ASB6: variants seen among roughly 807,000 people sequenced by gnomAD.
ASB6 encodes ankyrin repeat and SOCS box containing 6.
ASB6 carries 24 observed loss-of-function variants against 28.6 expected under a neutral mutation model. The observed-to-expected ratio is 0.84, with a 90% confidence interval of 0.61 to 1.18. ASB6 has a LOEUF of 1.18. ASB6 is among the 50% of genes most tolerant of loss of function. The pLI, the probability that ASB6 is intolerant of heterozygous loss-of-function variation, is 0.00. For missense variants in ASB6, 519 were observed against 559.8 expected, an observed-to-expected ratio of 0.93 and a Z score of 0.74; for synonymous variants, 267 against 243.4, an observed-to-expected ratio of 1.10 and a Z score of -0.90.
At chr9:129,640,395 A>C in intron 2 of ASB6, 146 bp downstream of exon 2, 1 of 1,143,206 alleles carries the variant, frequency 8.7e-7, no homozygotes, top group Non-Finnish European at 1.2e-6. Context: ...ACCCAATGGG[A>C]GTTTCCTTAG....
Position 129,635,557 on chromosome 9 carries a change from A to T in ASB6, c.*2233T>A. 1 of 1,430,448 alleles carries T rather than the reference A, an allele frequency of 7.0e-7. No individual in the cohort carries two copies. Among genetic ancestry groups the T allele is most frequent in the Non-Finnish European group, 9.5e-7 (1 of 1,053,792 alleles). 88.6% of individuals were successfully genotyped at this position (1,430,448 alleles called of 1,614,324 possible). ...CCAGGCGCCACGCTGGCGGTTCGTG[A>T]GTGTCGAGGCACCACTAAATATAGC... On this transcript the variant is annotated 3_prime_UTR_variant, in exon 6 of 6. Transcript: ENST00000277458.
At position 129,639,215 on chromosome 9, in the gene ASB6, G is replaced by A. The variant is rs558817602; in HGVS notation, c.498C>T (p.Ala166=). ...GGAGGCACCCACCATGCTTGTCAGC[G>A]GCATTGACATCAGCTCCAAGGTCCA... The part of the protein sequence containing the change: ...RLLDLGADVN[A]ADKHGKTALL... The change falls in exon 4 of 6, where the codon GCC becomes GCT. Residue 166 remains alanine, a synonymous_variant. Coordinates refer to ENST00000277458, the MANE Select transcript of ASB6 (RefSeq NM_017873.4). 1.8e-5 allele frequency: 29 copies of A among 1,608,182 alleles called. No individual in the cohort carries two copies. Among genetic ancestry groups the A allele is most frequent in the South Asian group, 3.3e-5 (3 of 90,658 alleles).
rs1212567354 is a variant in ASB6, at chr9:129,639,475, G to T, written c.329C>A (p.Ala110Asp). 2.5e-6 allele frequency: 4 copies of T among 1,613,848 alleles called. No individual in the cohort carries two copies. Among genetic ancestry groups the T allele is most frequent in the Non-Finnish European group, 3.4e-6 (4 of 1,179,838 alleles). ...PVTYYTALHI[A>D]VLRNQPDMVE... is the part of the protein sequence containing the mutation. ...CATGTCCGGCTGGTTCCGCAGGACG[G>T]CGATGTGCAAGGCCGTGTAGTAGGT... The change falls in exon 3 of 6, where the codon GCC becomes GAC. Residue 110 changes from alanine to aspartate, a missense_variant. By Grantham distance (126) the Ala-to-Asp change is moderately radical. Transcript: ENST00000277458.
At position 129,638,328 on chromosome 9, in the gene ASB6, G is replaced by A; in HGVS notation, c.728C>T (p.Thr243Ile). 1.9e-6 allele frequency: 3 copies of A among 1,612,900 alleles called. No individual in the cohort carries two copies. Among genetic ancestry groups the A allele is most frequent in the Non-Finnish European group, 2.5e-6 (3 of 1,180,030 alleles). ...GGCCCCGTGTGCCAGCAGCAGCCGT[G>A]TGACTTGGAAGCAGAAGCGGTTGAT... The part of the protein sequence containing the change: ...QMINRFCFQV[T>I]RLLLAHGADP... The change falls in exon 6 of 6, where the codon ACA (threonine) becomes ATA (isoleucine). Residue 243 changes from threonine (T) to isoleucine (I), a missense_variant. By Grantham distance (89) the Thr-to-Ile change is moderately conservative (BLOSUM62 -1). Coordinates refer to ENST00000277458, the MANE Select transcript of ASB6 (RefSeq NM_017873.4).
At position 129,635,396 on chromosome 9, in the gene ASB6, C is replaced by T; in HGVS notation, c.*2394G>A. 6.2e-7 allele frequency: 1 copy of T among 1,613,572 alleles called. No homozygotes were observed. Among genetic ancestry groups the T allele is most frequent in the Non-Finnish European group, 8.5e-7 (1 of 1,179,896 alleles). On this transcript the variant is annotated 3_prime_UTR_variant, in exon 6 of 6. Coordinates refer to ENST00000277458, the MANE Select transcript of ASB6 (RefSeq NM_017873.4). ...CATCTGCAGTGCAGGCCTCAGCCTC[C>T]TGGCCGAGGAGAGGCAGGAGAACCT...
chr9:129,640,882 G>T, intron 1 of ASB6, 160 bp from the exon 2 acceptor site: 1 of 811,374 alleles, frequency 1.2e-6, no homozygotes, highest in South Asian at 1.7e-5. Context: ...TAGAGAGAGG[G>T]CCACGCTGCA....
Position 129,634,723 on chromosome 9 carries a change from G to A in ASB6, c.*3067C>T, listed in dbSNP as rs770486635. 1.8e-4 allele frequency: 40 copies of A among 216,754 alleles called. No individual in the cohort carries two copies. Among genetic ancestry groups the A allele is most frequent in the African/African-American group, 9.1e-4 (39 of 43,000 alleles). 13.4% of individuals were successfully genotyped at this position (216,754 alleles called of 1,614,324 possible). On this transcript the variant is annotated 3_prime_UTR_variant, in exon 6 of 6. Transcript: ENST00000277458. ...CTGTGCCCTGGGCTGCTGACGTGGC[G>A]GCAGGCCGCTAGCAGCAGTCGGCCA...
chr9:129,639,728 G>C (rs1354514144), intron 2 of ASB6, among the ~76,000 whole-genome samples: 1 of 152,224 alleles, frequency 6.6e-6, no homozygotes, highest in Non-Finnish European at 1.5e-5. Flanking sequence ...GGGGGCTTTA[G>C]TTTCCTCTTC....
chr9:129,641,623 G>A (rs1213901751), intron 1 of ASB6, among the ~76,000 whole-genome samples: 2 of 152,176 alleles, frequency 1.3e-5, no homozygotes, highest in Non-Finnish European at 2.9e-5. Context: ...ACAGGCAGGC[G>A]ACAGGGTGGG....
At position 129,637,772 on chromosome 9, in the gene ASB6, C is replaced by T; in HGVS notation, c.*18G>A. 7 of 1,502,768 alleles carry T rather than the reference C, an allele frequency of 4.7e-6. No homozygotes were observed. Among genetic ancestry groups the T allele is most frequent in the Non-Finnish European group, 5.3e-6 (6 of 1,125,820 alleles). The allele number at this position is 1,502,768 out of a possible 1,614,324, so 93.1% of individuals were successfully genotyped here. ...ACCTGAGCTGCCCGTGTCCCCCGTT[C>T]CTGTAGCCTGAGACCTATCAGATGT... On this transcript the variant is annotated 3_prime_UTR_variant, in exon 6 of 6. Coordinates refer to ENST00000277458, the MANE Select transcript of ASB6 (RefSeq NM_017873.4).
rs1185115706 is a variant in ASB6, at chr9:129,639,289, C to T, written c.424G>A (p.Asp142Asn). ...RDRIHESSPL[D>N]LASEEPERLP... ...CGCTCAGGCTCCTCGCTGGCCAGGTCCAAGGGGCTACTCTCGTGGATCTGA... is the reference window on the plus strand; with the variant it reads ...CGCTCAGGCTCCTCGCTGGCCAGGTTCAAGGGGCTACTCTCGTGGATCTGA... Residue 142 changes from aspartate to asparagine, a missense_variant, in exon 4 of 6, where the codon GAC (aspartate) becomes AAC (asparagine). Physicochemically the swap from Asp to Asn is conservative, Grantham distance 23. Transcript: ENST00000277458. 3.1e-6 allele frequency: 5 copies of T among 1,612,856 alleles called. No homozygotes were observed. Among genetic ancestry groups the T allele is most frequent in the East Asian group, 2.2e-5 (1 of 44,856 alleles).
rs778396740 is a variant in ASB6, at chr9:129,639,152, CA to C, written c.511+49del. 27 of 1,535,542 alleles carry C rather than the reference CA, an allele frequency of 1.8e-5. No individual in the cohort carries two copies. In the Admixed American group the frequency reaches 5.2e-4, roughly 29 times the overall value. The stretch of plus-strand genomic sequence containing the variant: ...CCTGGGGCACCCTGGGTGTCCCCCA[CA>C]AGGTGCCTGGGGGCCCAGCTGTCCT... On this transcript the variant is annotated intron_variant, in intron 4 of 5. Coordinates refer to ENST00000277458, the MANE Select transcript of ASB6 (RefSeq NM_017873.4).
chr9:129,640,500 C>T (rs1312524544), intron 2 of ASB6, 41 bp downstream of exon 2: 8 of 1,577,418 alleles, frequency 5.1e-6, no homozygotes, highest in East Asian at 2.3e-5. Flanking sequence ...AGCGTCGGGC[C>T]GCGTTTAAGC....
chr9:129,638,849 G>A (rs994102616), intron 4 of ASB6, among the ~76,000 whole-genome samples, 190 bp from the exon 5 acceptor site: 2 of 152,216 alleles, frequency 1.3e-5, no homozygotes, highest in African/African-American at 4.8e-5. Context: ...AGAAGTGGGA[G>A]CGGAAAGGCC....
At position 129,635,589 on chromosome 9, in the gene ASB6, C is replaced by A; in HGVS notation, c.*2201G>T. Reference sequence around the variant, plus strand: ...AGGCACCACTAAATATAGCTGTCTGCCGTCCACTCATTATGCGGGCTCTTC... The same window carrying A: ...AGGCACCACTAAATATAGCTGTCTGACGTCCACTCATTATGCGGGCTCTTC... On this transcript the variant is annotated 3_prime_UTR_variant, in exon 6 of 6. Coordinates refer to ENST00000277458, the MANE Select transcript of ASB6 (RefSeq NM_017873.4). 8.5e-7 allele frequency: 1 copy of A among 1,176,812 alleles called. No homozygotes were observed. The highest frequency in any genetic ancestry group is 1.2e-6 in the Non-Finnish European group (1 of 836,174). The allele number at this position is 1,176,812 out of a possible 1,614,324, so 72.9% of individuals were successfully genotyped here.
At position 129,637,633 on chromosome 9, in the gene ASB6, G is replaced by A. The variant is rs1452254841; in HGVS notation, c.*157C>T. ...CAGAGCTGCACCCTTCACCACTGGA[G>A]TGATCACAGCTTCAGGCTCTACCTG... On this transcript the variant is annotated 3_prime_UTR_variant, in exon 6 of 6. Coordinates refer to ENST00000277458, the MANE Select transcript of ASB6 (RefSeq NM_017873.4). 2.8e-6 allele frequency: 2 copies of A among 702,532 alleles called. No homozygotes were observed. The highest frequency in any genetic ancestry group is 4.3e-6 in the Non-Finnish European group (2 of 462,364). 43.5% of individuals were successfully genotyped at this position (702,532 alleles called of 1,614,324 possible).
At position 129,635,562 on chromosome 9, in the gene ASB6, C is replaced by G; in HGVS notation, c.*2228G>C. ...CGCCACGCTGGCGGTTCGTGAGTGT[C>G]GAGGCACCACTAAATATAGCTGTCT... On this transcript the variant is annotated 3_prime_UTR_variant, in exon 6 of 6. Coordinates refer to ENST00000277458, the MANE Select transcript of ASB6 (RefSeq NM_017873.4). 1 of 1,372,506 alleles carries G rather than the reference C, an allele frequency of 7.3e-7. No homozygotes were observed. Among genetic ancestry groups the G allele is most frequent in the Non-Finnish European group, 1.0e-6 (1 of 1,004,174 alleles). The allele number at this position is 1,372,506 out of a possible 1,614,324, so 85.0% of individuals were successfully genotyped here.
intron 3 of ASB6, 29 bp downstream of exon 3, chr9:129,639,373 C>A: frequency 6.2e-7 from 1 of 1,601,798 alleles, no homozygotes. Flanking sequence ...CCCAACCCTG[C>A]TTCAAAGCAA....
rs1001621020 is a variant in ASB6 at position 129,637,521 on chromosome 9, A to G, written c.*269T>C. On this transcript the variant is annotated 3_prime_UTR_variant, in exon 6 of 6. Transcript: ENST00000277458. The stretch of plus-strand genomic sequence containing the variant: ...CTGCCCTCCAATTCAGAGGGTATAA[A>G]CATCAATCCAAGCCCTGTTCCTCTT... The G allele has an allele frequency of 3.1e-6, 1 of 326,530 alleles. No homozygotes were observed. The highest frequency in any genetic ancestry group is 2.1e-5 in the African/African-American group (1 of 46,850). 20.2% of individuals were successfully genotyped at this position (326,530 alleles called of 1,614,324 possible).
Sources: allele counts gnomAD v4.1 joint callset (sites outside exome capture counted in the v4.1 genomes callset), GRCh38; gene constraint gnomAD v4.1.1; transcripts MANE v1.5; gene names NCBI Gene and HGNC (gene_info 2026-07-23, HGNC 2026-07-21).